EPS15L1: variants seen among roughly 807,000 people sequenced by gnomAD.
EPS15L1 encodes the protein epidermal growth factor receptor pathway substrate 15 like 1.
EPS15L1 carries 43 observed loss-of-function variants against 117.1 expected under a neutral mutation model. That is an observed-to-expected ratio of 0.37 (90% CI 0.29 to 0.47). The LOEUF is 0.47. Among genes scored for constraint, EPS15L1 ranks in the 20% least tolerant of loss-of-function variants. EPS15L1 has a pLI of 0.99. For missense variants in EPS15L1, 981 were observed against 1,164.0 expected (o/e 0.84, Z 2.29); for synonymous variants, 459 against 470.5 (o/e 0.98, Z 0.32).
intron 1 of EPS15L1, among the ~76,000 whole-genome samples, chr19:16,466,146 G>A (rs771552756): frequency 1.3e-5 from 2 of 151,956 alleles, no homozygotes; most frequent in South Asian, 2.1e-4. Context: ...GTGCCACCAC[G>A]CCTGGCTAAT....
chr19:16,384,453 C>G (rs533005398), intron 21 of EPS15L1, among the ~76,000 whole-genome samples: 27 of 152,266 alleles, frequency 1.8e-4, no homozygotes, highest in African/African-American at 6.5e-4. Flanking sequence ...TTTGACTTGT[C>G]CATTCTGGAT....
chr19:16,461,238 A>G (rs1286853042), intron 1 of EPS15L1, among the ~76,000 whole-genome samples: 1 of 150,154 alleles, frequency 6.7e-6, no homozygotes, highest in East Asian at 2.0e-4. Context: ...CGGGAGACGG[A>G]GCTTGCAGTG....
chr19:16,362,998 G>T (rs1380067454), intron 22 of EPS15L1, among the ~76,000 whole-genome samples: 1 of 152,160 alleles, frequency 6.6e-6, no homozygotes, highest in African/African-American at 2.4e-5. Flanking sequence ...ACTGTGTGGG[G>T]GACATGGCCT....
intron 21 of EPS15L1, 140 bp from the exon 22 acceptor site, chr19:16,377,394 A>T: frequency 4.4e-6 from 4 of 913,122 alleles, no homozygotes; most frequent in Non-Finnish European, 3.3e-6. Context: ...CCCTGCTTGG[A>T]CGTGGGGTCT....
chr19:16,371,390 CTTT>C lies in EPS15L1; in HGVS notation c.2380+5729_2380+5731del, dbSNP rs776332861. Among the ~76,000 whole-genome samples the C allele has an allele frequency of 6.6e-6, 1 of 152,132 alleles. No homozygotes were observed. Among genetic ancestry groups the C allele is most frequent in the Non-Finnish European group, 1.5e-5 (1 of 68,038 alleles). On this transcript the variant is annotated intron_variant, in intron 22 of 23. Transcript: ENST00000455140. The surrounding 1 kb of genome is among the most constrained non-coding windows in gnomAD (Gnocchi z 4.7). ...GGGGAAGAATGACTTTTGTCTTCTT[CTTT>C]TGTTGAGAGAGCTGCTCAAATCAAA...
chr19:16,450,817 G>A (rs1471796750), intron 1 of EPS15L1, among the ~76,000 whole-genome samples: 8 of 151,830 alleles, frequency 5.3e-5, no homozygotes, highest in Non-Finnish European at 1.2e-4. Context: ...CTCGCAAGGT[G>A]GTCATTTGGG....
chr19:16,361,489 G>A (rs1339987347), intron 23 of EPS15L1: 1 of 871,170 alleles, frequency 1.1e-6, no homozygotes, highest in Non-Finnish European at 1.4e-6. Context: ...CGGTGCGTCA[G>A]AAATAATACA....
At chr19:16,401,566 C>T (rs1200480670) in intron 16 of EPS15L1, 29 of 985,514 alleles carry the variant, frequency 2.9e-5, no homozygotes, top group South Asian at 1.4e-4. Flanking sequence ...AGCACCAAGA[C>T]GAAATGGGAA....
intron 1 of EPS15L1, among the ~76,000 whole-genome samples, chr19:16,464,383 G>A (rs998979444): frequency 6.6e-6 from 1 of 152,204 alleles, no homozygotes; most frequent in African/African-American, 2.4e-5. Context: ...GAAGGACAGT[G>A]GGCAGGTCTC....
At chr19:16,430,127 T>G (rs551877247) in intron 7 of EPS15L1, among the ~76,000 whole-genome samples, 1 of 152,206 alleles carries the variant, frequency 6.6e-6, no homozygotes, top group South Asian at 2.1e-4. Context: ...TGCCCAGACT[T>G]CTACCAGAGT....
At chr19:16,436,830 T>A in intron 6 of EPS15L1, 107 bp downstream of exon 6, 1 of 891,812 alleles carries the variant, frequency 1.1e-6, no homozygotes, top group Non-Finnish European at 1.8e-6. Context: ...CTATAAAATG[T>A]TCTGAACAAC....
In EPS15L1 at chr19:16,370,177, C is replaced by T. The variant is rs2092201082; in HGVS notation, c.2380+6945G>A. Among the ~76,000 whole-genome samples, 1 of 152,200 alleles carries T rather than the reference C, an allele frequency of 6.6e-6. No homozygotes were observed. Among genetic ancestry groups the T allele is most frequent in the Admixed American group, 6.5e-5 (1 of 15,282 alleles). On this transcript the variant is annotated intron_variant, in intron 22 of 23. Coordinates refer to ENST00000455140, the MANE Select transcript of EPS15L1 (RefSeq NM_001258374.3). This position sits in a 1 kb window ranked among gnomAD's most constrained non-coding sequence, Gnocchi z 5.2. ...CCAGGAGCTCCCATGGTGGGGGACA[C>T]TTTTGCTCTCTTTATGGCCAGATTC... is the stretch of plus-strand genomic sequence containing the variant.
At chr19:16,439,616 A>G (rs1485691438) in intron 4 of EPS15L1, among the ~76,000 whole-genome samples, 2 of 152,180 alleles carry the variant, frequency 1.3e-5, no homozygotes, top group African/African-American at 4.8e-5. Flanking sequence ...ACTTGAACCC[A>G]GAAGATCGAG....
intron 21 of EPS15L1, among the ~76,000 whole-genome samples, chr19:16,379,630 C>T (rs2092337837): frequency 1.3e-5 from 2 of 152,004 alleles, no homozygotes; most frequent in Admixed American, 6.5e-5. Flanking sequence ...GTCACACTGA[C>T]ACGGCCATCT....
chr19:16,447,432 G>A (rs2093094839), intron 1 of EPS15L1, among the ~76,000 whole-genome samples: 1 of 152,202 alleles, frequency 6.6e-6, no homozygotes, highest in South Asian at 2.1e-4. Flanking sequence ...ATGCAGCAAA[G>A]TTAGAAAGAA....
chr19:16,385,235 A>G (rs1415853644), intron 20 of EPS15L1, 24 bp from the exon 21 acceptor site: 3 of 1,602,506 alleles, frequency 1.9e-6, no homozygotes, highest in Non-Finnish European at 2.6e-6. Flanking sequence ...CAACAAAGTC[A>G]GAGTTACAGG....
At chr19:16,378,155 C>A (rs964826285) in intron 21 of EPS15L1, among the ~76,000 whole-genome samples, 1 of 151,418 alleles carries the variant, frequency 6.6e-6, no homozygotes, top group Non-Finnish European at 1.5e-5. Context: ...GACAGGGAGG[C>A]GGGTGGGTGG....
chr19:16,431,250 T>C (rs1211907340), intron 7 of EPS15L1, among the ~76,000 whole-genome samples: 36 of 147,236 alleles, frequency 2.4e-4, no homozygotes, highest in Admixed American at 2.4e-3. Context: ...AAAAAAAAAC[T>C]TTTTTTTAAT....
At position 16,381,127 on chromosome 19, in the gene EPS15L1, C is replaced by T. The variant is rs2144721476; in HGVS notation, c.2248-3873G>A. ...CCAGATCCCTTCCCTGGGCTTCACG[C>T]CGCCCTCTGAAGCTGCCCAGGCAGG... On this transcript the variant is annotated intron_variant, in intron 21 of 23. Transcript: ENST00000455140. The surrounding 1 kb of genome is among the most constrained non-coding windows in gnomAD (Gnocchi z 4.2). Among the ~76,000 whole-genome samples, 1 of 152,390 alleles carries T rather than the reference C, an allele frequency of 6.6e-6. No individual in the cohort carries two copies. The highest frequency in any genetic ancestry group is 1.5e-5 in the Non-Finnish European group (1 of 68,032).
Sources: allele counts gnomAD v4.1 joint callset (sites outside exome capture counted in the v4.1 genomes callset), GRCh38; gene constraint gnomAD v4.1.1; non-coding constraint Gnocchi (gnomAD v3.1); transcripts MANE v1.5; gene names NCBI Gene and HGNC (gene_info 2026-07-23, HGNC 2026-07-21).